The following CDK11B variants were observed in gnomAD, a reference collection of about 807,000 sequenced individuals.
CDK11B encodes cyclin dependent kinase 11B.
A neutral mutation model predicts 84.0 loss-of-function variants in CDK11B; 37 were observed. The observed-to-expected ratio is 0.44, with a 90% CI of 0.34 to 0.58. The LOEUF is 0.58. Among genes scored for constraint, CDK11B ranks in the 20% least tolerant of loss-of-function variants. CDK11B has a pLI of 0.02. For missense variants in CDK11B, 427 were observed against 834.0 expected (o/e 0.51, Z 6.01); for synonymous variants, 269 against 309.8 (o/e 0.87, Z 1.38).
At chr1:1,648,455 A>G (rs1183333243) in intron 5 of CDK11B, among the ~76,000 whole-genome samples, 2 of 151,784 alleles carry the variant, frequency 1.3e-5, no homozygotes, top group Non-Finnish European at 2.9e-5. Context: ...ATCAACAAGA[A>G]CCAGCGCCCT....
At chr1:1,648,071 C>T (rs1641401248) in intron 5 of CDK11B, among the ~76,000 whole-genome samples, 2 of 152,402 alleles carry the variant, frequency 1.3e-5, no homozygotes, top group East Asian at 1.9e-4. Context: ...GGTCTCCCTA[C>T]GTTGCCCAGG....
At chr1:1,650,867 A>G (rs1402045399) in intron 4 of CDK11B, among the ~76,000 whole-genome samples, 1 of 152,012 alleles carries the variant, frequency 6.6e-6, no homozygotes, top group Non-Finnish European at 1.5e-5. Context: ...TCTAATTATG[A>G]AGAAAGAAGA....
At position 1,640,986 on chromosome 1, in the gene CDK11B, G is replaced by T. The variant is rs1366357076; in HGVS notation, c.1075+62C>A. The T allele has an allele frequency of 4.6e-5, 74 of 1,594,030 alleles. 1 individual carries two copies. Among genetic ancestry groups the T allele is most frequent in the Non-Finnish European group, 5.8e-5 (68 of 1,171,030 alleles). On this transcript the variant is annotated intron_variant, in intron 10 of 19. Coordinates refer to ENST00000341832, the MANE Select transcript of CDK11B (RefSeq NM_033486.3). Reference sequence around the variant, plus strand: ...CGCTGCGCAGGACCGGCTGTCTTAGGAGAGGGCTGCTGCACTCGGAGACAG... The same window carrying T: ...CGCTGCGCAGGACCGGCTGTCTTAGTAGAGGGCTGCTGCACTCGGAGACAG...
Position 1,647,723 on chromosome 1 carries a change from G to A in CDK11B, c.494+1776C>T, listed in dbSNP as rs1242905016. Among the ~76,000 whole-genome samples, 6 of 152,224 alleles carry A rather than the reference G, an allele frequency of 3.9e-5. 1 individual carries two copies. Among genetic ancestry groups the A allele is most frequent in the African/African-American group, 1.4e-4 (6 of 41,448 alleles). ...TCTCCAGTCTCTGCTGCACGTCTTT[G>A]GCGAGATCACAGCTGCTCCCAACCA... is the stretch of plus-strand genomic sequence containing the variant. On this transcript the variant is annotated intron_variant, in intron 5 of 19. Transcript: ENST00000341832.
At chr1:1,653,505 G>C (rs965668211) in intron 3 of CDK11B, among the ~76,000 whole-genome samples, 3 of 151,748 alleles carry the variant, frequency 2.0e-5, no homozygotes, top group Non-Finnish European at 1.5e-5. Flanking sequence ...ATTTGTAGTA[G>C]AGACGGGCTT....
intron 3 of CDK11B, among the ~76,000 whole-genome samples, chr1:1,653,793 G>A (rs1265676450): frequency 6.7e-6 from 1 of 149,974 alleles, no homozygotes; most frequent in African/African-American, 2.5e-5. Flanking sequence ...AGACCAGTGT[G>A]ACCACACAGT....
At chr1:1,640,985 G>A (rs1640203837) in intron 10 of CDK11B, 63 bp downstream of exon 10, 1 of 1,594,072 alleles carries the variant, frequency 6.3e-7, no homozygotes, top group South Asian at 1.1e-5. Flanking sequence ...GGCTGTCTTA[G>A]GAGAGGGCTG....
intron 3 of CDK11B, among the ~76,000 whole-genome samples, chr1:1,655,025 G>A (rs1570240538): frequency 6.6e-6 from 1 of 152,114 alleles, no homozygotes; most frequent in Admixed American, 6.6e-5. Context: ...GACCTCAGCT[G>A]ATCAGCCCGC....
chr1:1,649,353 G>A (rs1190712026), intron 5 of CDK11B, 146 bp downstream of exon 5: 41 of 590,280 alleles, frequency 6.9e-5, no homozygotes, highest in African/African-American at 1.7e-4. Flanking sequence ...CGCCCACCTC[G>A]GCCTCCCAAA....
chr1:1,637,819 C>A lies in CDK11B; in HGVS notation c.1407G>T (p.Ser469=), dbSNP rs138980727. 42,427 of 1,448,308 alleles carry A rather than the reference C, an allele frequency of 0.029. 14 individuals are homozygous for A. The highest frequency in any genetic ancestry group is 0.18 in the African/African-American group (9,348 of 50,708). The allele number at this position is 1,448,308 out of a possible 1,614,324, so 89.7% of individuals were successfully genotyped here. ...TGAGGATGGTGTTGATCTCCCTCAGCGACGTGATCGGGAAGCCCTCCTTCT... is the reference window on the plus strand; with the variant it reads ...TGAGGATGGTGTTGATCTCCCTCAGAGACGTGATCGGGAAGCCCTCCTTCT... ...EKEKEGFPIT[S]LREINTILKA... The change falls in exon 13 of 20, where the codon TCG becomes TCT. Residue 469 remains serine (S), a synonymous_variant. Transcript: ENST00000341832.
intron 4 of CDK11B, 84 bp from the exon 5 acceptor site, chr1:1,649,721 T>C (rs1344406002): frequency 2.9e-6 from 4 of 1,392,724 alleles, no homozygotes; most frequent in Non-Finnish European, 9.9e-7. Context: ...ATGCCTGTAA[T>C]CCTAGCACTT....
chr1:1,640,347 A>G lies in CDK11B; in HGVS notation c.1181T>C (p.Val394Ala), dbSNP rs1357220714. 2 of 1,613,666 alleles carry G rather than the reference A, an allele frequency of 1.2e-6. No homozygotes were observed. The highest frequency in any genetic ancestry group is 1.7e-6 in the Non-Finnish European group (2 of 1,179,652). Residue 394 changes from valine (V) to alanine (A), a missense_variant, in exon 11 of 20, where the codon GTG becomes GCG. Physicochemically the swap from Val to Ala is moderately conservative, Grantham distance 64. Around this residue, in one of 12 missense-constraint regions of CDK11B, gnomAD observed 43 missense variants for 61.8 expected, o/e 0.70. Coordinates refer to ENST00000341832, the MANE Select transcript of CDK11B (RefSeq NM_033486.3). ...QSSALTEGDY[V>A]PDSPALSPIE... Reference sequence around the variant, plus strand: ...GGGCGACAGGGCAGGGGAGTCGGGCACATAGTCGCCCTCTGTCAGGGCGCT... The same window carrying G: ...GGGCGACAGGGCAGGGGAGTCGGGCGCATAGTCGCCCTCTGTCAGGGCGCT...
In CDK11B at chr1:1,655,351, A is replaced by C; in HGVS notation, c.227+18T>G. ...GGCTGTGTACAGCTGGGTCTTGCAC[A>C]TCTGTACATCCGCTCACCTGTCTTC... is the stretch of plus-strand genomic sequence containing the variant. On this transcript the variant is annotated intron_variant, in intron 3 of 19. Transcript: ENST00000341832. 6.2e-7 allele frequency: 1 copy of C among 1,612,220 alleles called. No homozygotes were observed. The highest frequency in any genetic ancestry group is 8.5e-7 in the Non-Finnish European group (1 of 1,178,968).
rs1570043108 is a variant in CDK11B, at chr1:1,639,093, A to C, written c.1252-503T>G. Among the ~76,000 whole-genome samples, 3 of 151,550 alleles carry C rather than the reference A, an allele frequency of 2.0e-5. No individual in the cohort carries two copies. The South Asian group carries it at 6.2e-4, about 31-fold the overall frequency. On this transcript the variant is annotated intron_variant, in intron 11 of 19. Coordinates refer to ENST00000341832, the MANE Select transcript of CDK11B (RefSeq NM_033486.3). ...GTAGCTGGGAGTATAGGTACGCACC[A>C]CCACGCCAGGCTAATTTTTGTATTT...
At position 1,649,791 on chromosome 1, in the gene CDK11B, A is replaced by G. The variant is rs1209799865; in HGVS notation, c.356-154T>C. ...GGAGTTCAAGGCCATCCTGGCCAAC[A>G]TGGTGAAACCCCGTCTCTACTAAAA... On this transcript the variant is annotated intron_variant, in intron 4 of 19. Transcript: ENST00000341832. Among the ~76,000 whole-genome samples the G allele has an allele frequency of 2.4e-4, 36 of 151,750 alleles. 2 individuals are homozygous for G. In the South Asian group the frequency reaches 4.4e-3, roughly 18 times the overall value.
intron 2 of CDK11B, among the ~76,000 whole-genome samples, chr1:1,655,832 G>A (rs1329845686): frequency 1.3e-5 from 2 of 151,640 alleles, no homozygotes; most frequent in African/African-American, 2.4e-5. Context: ...GCAGTGACCC[G>A]AGATCACACC....
chr1:1,636,208 C>A, intron 18 of CDK11B, 82 bp from the exon 19 acceptor site: 2 of 966,784 alleles, frequency 2.1e-6, no homozygotes, highest in South Asian at 3.2e-5. Context: ...TGGGACGGGG[C>A]TCAGGGCATG....
Position 1,637,688 on chromosome 1 carries a change from C to T in CDK11B, c.1464+74G>A, listed in dbSNP as rs766819725. 31 of 1,611,992 alleles carry T rather than the reference C, an allele frequency of 1.9e-5. 1 individual carries two copies. Among genetic ancestry groups the T allele is most frequent in the Admixed American group, 3.3e-5 (2 of 59,958 alleles). On this transcript the variant is annotated intron_variant, in intron 13 of 19. Coordinates refer to ENST00000341832, the MANE Select transcript of CDK11B (RefSeq NM_033486.3). ...AGTGCAGGAGAGTGTAGGAAGCACCCGGCCCCAGGACAGCACGGGGCCCTG... is the reference window on the plus strand; with the variant it reads ...AGTGCAGGAGAGTGTAGGAAGCACCTGGCCCCAGGACAGCACGGGGCCCTG...
At chr1:1,643,487 A>G (rs1640561668) in intron 6 of CDK11B, among the ~76,000 whole-genome samples, 1 of 151,046 alleles carries the variant, frequency 6.6e-6, no homozygotes, top group African/African-American at 2.5e-5. Context: ...GAGGGGAAAA[A>G]AAGAAGCCAA....
Sources: gnomAD v4.1 joint callset for allele counts (sites outside exome capture counted in the v4.1 genomes callset) on GRCh38, gnomAD v4.1.1 for gene constraint, gnomAD v4.1.1 regional missense constraint, MANE v1.5 for transcripts, NCBI Gene and HGNC (gene_info 2026-07-23, HGNC 2026-07-21) for gene names.